Variants in RANBP17 observed in about 807,000 individuals in gnomAD.
The protein encoded by RANBP17 is RAN binding protein 17.
In RANBP17, 158 loss-of-function variants were observed where a neutral mutation model predicts 141.2. The observed-to-expected ratio is 1.12, with a 90% CI of 0.98 to 1.28. RANBP17 has a LOEUF of 1.28. RANBP17 is among the 50% of genes most tolerant of loss of function. The probability of loss-of-function intolerance (pLI) is 0.00; values close to 1 mark genes in which losing one functional copy is unlikely to be tolerated. For synonymous variants in RANBP17, 430 were observed against 450.0 expected, an observed-to-expected ratio of 0.96 and a Z score of 0.56; for missense variants, 1,438 against 1,290.7, an observed-to-expected ratio of 1.11 and a Z score of -1.75.
At chr5:171,137,797 A>AT (rs1333129109) in intron 14 of RANBP17, among the ~76,000 whole-genome samples, 2 of 151,898 alleles carry the variant, frequency 1.3e-5, no homozygotes, top group Admixed American at 6.6e-5. Flanking sequence ...CTCTGATTCA[A>AT]TTTTATATTA....
At chr5:171,113,652 CAT>C (rs1460406679) in intron 14 of RANBP17, among the ~76,000 whole-genome samples, 2 of 152,086 alleles carry the variant, frequency 1.3e-5, no homozygotes, top group African/African-American at 4.8e-5. Context: ...CTGAAGTTCA[CAT>C]AGCTAATAAA....
intron 14 of RANBP17, among the ~76,000 whole-genome samples, chr5:171,160,523 T>C (rs1759272182): frequency 6.6e-6 from 1 of 152,184 alleles, no homozygotes; most frequent in South Asian, 2.1e-4. Flanking sequence ...TCTCATCCTT[T>C]TTATATTTGA....
At chr5:171,165,598 A>T (rs1304185806) in intron 14 of RANBP17, among the ~76,000 whole-genome samples, 4 of 152,194 alleles carry the variant, frequency 2.6e-5, no homozygotes, top group Admixed American at 6.6e-5. Flanking sequence ...TTGGGACCAA[A>T]GTCTGTGCTT....
chr5:171,272,762 A>C (rs535324080), intron 25 of RANBP17, among the ~76,000 whole-genome samples: 1 of 152,196 alleles, frequency 6.6e-6, no homozygotes, highest in Admixed American at 6.5e-5. Context: ...CAGTCATTCT[A>C]TACCCCAGCA....
intron 14 of RANBP17, among the ~76,000 whole-genome samples, chr5:171,120,869 A>G (rs1256834942): frequency 1.3e-5 from 2 of 152,234 alleles, no homozygotes; most frequent in Non-Finnish European, 2.9e-5. Flanking sequence ...TTGACAGACA[A>G]TGATTTACTT....
intron 1 of RANBP17, among the ~76,000 whole-genome samples, chr5:170,871,206 G>A (rs1293042971): frequency 1.3e-5 from 2 of 151,976 alleles, no homozygotes; most frequent in African/African-American, 2.4e-5. Flanking sequence ...CTGCCACCAT[G>A]CCCAGCTAAT....
At chr5:171,006,820 T>C (rs569447963) in intron 14 of RANBP17, among the ~76,000 whole-genome samples, 59 of 152,182 alleles carry the variant, frequency 3.9e-4, no homozygotes, top group Non-Finnish European at 6.8e-4. Flanking sequence ...GGGTTGCTGC[T>C]AAGCGGGCCA....
chr5:170,923,747 T>C (rs1269541251), intron 11 of RANBP17, among the ~76,000 whole-genome samples: 2 of 152,184 alleles, frequency 1.3e-5, no homozygotes, highest in Non-Finnish European at 2.9e-5. Flanking sequence ...TTATGTTTCC[T>C]ACTGCCTTTG....
intron 14 of RANBP17, among the ~76,000 whole-genome samples, chr5:171,016,962 T>G (rs1015696119): frequency 6.7e-6 from 1 of 149,432 alleles, no homozygotes; most frequent in Non-Finnish European, 1.5e-5. Flanking sequence ...GTCCATGTTT[T>G]CTCATTGTTC....
At chr5:170,987,541 TA>T (rs5873249) in intron 14 of RANBP17, among the ~76,000 whole-genome samples, 101,084 of 150,574 alleles carry the variant, frequency 0.67, 34,164 homozygotes, top group South Asian at 0.89. Context: ...TAGGCCTTTT[TA>T]AAAAAAAAAT....
At chr5:171,154,063 A>G (rs555129243) in intron 14 of RANBP17, among the ~76,000 whole-genome samples, 80 of 151,552 alleles carry the variant, frequency 5.3e-4, no homozygotes, top group Non-Finnish European at 1.0e-3. Flanking sequence ...AAAATTGCAA[A>G]CAAGACCAAG....
intron 11 of RANBP17, among the ~76,000 whole-genome samples, chr5:170,920,523 T>C (rs1343823911): frequency 6.6e-6 from 1 of 151,736 alleles, no homozygotes; most frequent in Non-Finnish European, 1.5e-5. Context: ...TTTTTTTTTT[T>C]TATATTGAGA....
chr5:171,260,216 G>T (rs537891830), intron 24 of RANBP17, among the ~76,000 whole-genome samples: 1 of 149,562 alleles, frequency 6.7e-6, no homozygotes, highest in African/African-American at 2.5e-5. Context: ...CAGGAGAATC[G>T]CTTGAACCCG....
At chr5:171,032,671 G>A (rs7730898) in intron 14 of RANBP17, among the ~76,000 whole-genome samples, 115,103 of 152,020 alleles carry the variant, frequency 0.76, 43,779 homozygotes, top group South Asian at 0.91. Flanking sequence ...TAATGAATCA[G>A]TGAGATTCCC....
intron 22 of RANBP17, among the ~76,000 whole-genome samples, chr5:171,222,727 C>A (rs905587440): frequency 3.3e-5 from 5 of 152,156 alleles, no homozygotes; most frequent in African/African-American, 1.2e-4. Context: ...ACATCCCAGG[C>A]TCAGGTGATC....
At chr5:170,945,250 CTTAAAAATTCTTA>C (rs1774656465) in intron 12 of RANBP17, among the ~76,000 whole-genome samples, 1 of 152,064 alleles carries the variant, frequency 6.6e-6, no homozygotes, top group Non-Finnish European at 1.5e-5. Context: ...GAGGAAAGAA[CTTAAAAATTCTTA>C]TTGTGTGACT....
At chr5:171,035,892 T>TTTTC (rs1338600691) in intron 14 of RANBP17, among the ~76,000 whole-genome samples, 8 of 151,542 alleles carry the variant, frequency 5.3e-5, no homozygotes, top group South Asian at 2.1e-4. Flanking sequence ...GTAGGTTTTC[T>TTTTC]TTTCTTTCTT....
At chr5:171,183,515 C>T (rs1375087055) in intron 18 of RANBP17, 85 bp downstream of exon 18, 1 of 855,716 alleles carries the variant, frequency 1.2e-6, no homozygotes, top group Admixed American at 2.3e-5. Flanking sequence ...GTGGGTACAA[C>T]ATTTAACTTA....
Position 170,892,532 on chromosome 5 carries a change from T to G in RANBP17, c.402T>G (p.Ala134=). 1 of 1,613,674 alleles carries G rather than the reference T, an allele frequency of 6.2e-7. No individual in the cohort carries two copies. Among genetic ancestry groups the G allele is most frequent in the Non-Finnish European group, 8.5e-7 (1 of 1,179,800 alleles). The change falls in exon 4 of 28, where the codon GCT becomes GCG. Residue 134 remains alanine (A), a synonymous_variant. Transcript: ENST00000523189. ...AATTTGTCTTCAGAGAAATTATTGC[T>G]GATGTGAAGAAGTTTCTCCAGGTAA... ...KDQFVFREII[A]DVKKFLQGTV...
Sources: gnomAD v4.1 joint callset for allele counts (sites outside exome capture counted in the v4.1 genomes callset) on GRCh38, gnomAD v4.1.1 for gene constraint, MANE v1.5 for transcripts, NCBI Gene and HGNC (gene_info 2026-07-23, HGNC 2026-07-21) for gene names.